The following FRMPD4 variants were observed in gnomAD, a reference collection of about 807,000 sequenced individuals.
FRMPD4 encodes FERM and PDZ domain-containing protein 4.
Under a neutral mutation model 94.1 loss-of-function variants are expected in FRMPD4, and 22 were observed. That is an observed-to-expected ratio of 0.23 (90% CI 0.17 to 0.33). The LOEUF (loss-of-function observed/expected upper bound fraction) is 0.33, where lower values mean the gene tolerates loss of function less well. FRMPD4 is among the 10% of genes least tolerant of loss of function. FRMPD4 has a pLI of 1.00. For synonymous variants in FRMPD4, 631 were observed against 548.6 expected (o/e 1.15, Z -2.10); for missense variants, 1,111 against 1,339.9 (o/e 0.83, Z 2.67).
At chrX:12,363,669 C>T (rs1332148887) in intron 1 of FRMPD4, among the ~76,000 whole-genome samples, 1 of 112,537 alleles carries the variant, frequency 8.9e-6, no homozygotes, top group Non-Finnish European at 1.9e-5. Flanking sequence ...CAGTGCCAAC[C>T]AAATACAGTT....
intron 1 of FRMPD4, among the ~76,000 whole-genome samples, chrX:12,196,636 T>C (rs1365658756): frequency 1.9e-5 from 2 of 107,922 alleles, no homozygotes; most frequent in Non-Finnish European, 3.8e-5. Context: ...AGTTTATATA[T>C]ATATAAAAAA....
intron 1 of FRMPD4, among the ~76,000 whole-genome samples, chrX:12,292,563 T>A (rs767142085): frequency 1.8e-5 from 2 of 111,005 alleles, no homozygotes; most frequent in Admixed American, 1.9e-4. Flanking sequence ...TTTAGGACAA[T>A]GATATGAGGT....
intron 3 of FRMPD4, among the ~76,000 whole-genome samples, chrX:11,960,502 T>C (rs1439669084): frequency 1.8e-5 from 2 of 112,390 alleles, no homozygotes; most frequent in African/African-American, 6.5e-5. Flanking sequence ...CTGATGCAAT[T>C]TTTTAAAGAT....
chrX:12,574,816 T>C (rs1032882424), intron 2 of FRMPD4, among the ~76,000 whole-genome samples: 1 of 112,263 alleles, frequency 8.9e-6, no homozygotes. Flanking sequence ...CCCGGGGTAT[T>C]TTAAATACAC....
At chrX:12,426,412 A>G in intron 1 of FRMPD4, among the ~76,000 whole-genome samples, 1 of 111,279 alleles carries the variant, frequency 9.0e-6, no homozygotes, top group Non-Finnish European at 1.9e-5. Flanking sequence ...CTTAGAGATG[A>G]GTATTCGCAG....
At chrX:11,955,686 G>A (rs2054252785) in intron 3 of FRMPD4, among the ~76,000 whole-genome samples, 1 of 105,205 alleles carries the variant, frequency 9.5e-6, no homozygotes, top group East Asian at 3.0e-4. Flanking sequence ...AGCTTGCAGT[G>A]AGCCGAGATT....
At chrX:11,995,994 T>C (rs1308056806) in intron 3 of FRMPD4, among the ~76,000 whole-genome samples, 2 of 111,907 alleles carry the variant, frequency 1.8e-5, no homozygotes, top group African/African-American at 3.2e-5. Context: ...TCAGAATCTT[T>C]TGGCAATATT....
intron 3 of FRMPD4, among the ~76,000 whole-genome samples, chrX:12,095,722 G>A (rs2055194041): frequency 8.9e-6 from 1 of 112,326 alleles, no homozygotes; most frequent in Non-Finnish European, 1.9e-5. Flanking sequence ...TAGCCACACA[G>A]AAAGTCTGCC....
chrX:12,366,988 A>G (rs2056092765), intron 1 of FRMPD4, among the ~76,000 whole-genome samples: 1 of 110,709 alleles, frequency 9.0e-6, no homozygotes, highest in Non-Finnish European at 1.9e-5. Flanking sequence ...GGCAGGGAAT[A>G]TCATCAAAAA....
chrX:12,136,827 C>T (rs1352268432), upstream of FRMPD4, among the ~76,000 whole-genome samples: 2 of 108,398 alleles, frequency 1.8e-5, no homozygotes, highest in Non-Finnish European at 3.8e-5. Context: ...TTTAGCTTGA[C>T]GGACAATGGG....
chrX:12,221,081 C>G (rs2056860856), intron 1 of FRMPD4, among the ~76,000 whole-genome samples: 1 of 112,318 alleles, frequency 8.9e-6, no homozygotes, highest in South Asian at 3.7e-4. Flanking sequence ...ACTAATTTCT[C>G]CAGTTTACTT....
chrX:12,597,970 A>G (rs1425368318), intron 2 of FRMPD4, among the ~76,000 whole-genome samples: 1 of 112,438 alleles, frequency 8.9e-6, no homozygotes, highest in Non-Finnish European at 1.9e-5. Context: ...TATGTGGAAA[A>G]TATGTCTTAT....
intron 1 of FRMPD4, among the ~76,000 whole-genome samples, chrX:11,842,398 T>C (rs1379831991): frequency 2.0e-5 from 2 of 99,751 alleles, no homozygotes; most frequent in African/African-American, 7.9e-5. Context: ...TGTTCTTCCA[T>C]TTCTTTGTAT....
chrX:12,578,677 G>A (rs1022979833), intron 2 of FRMPD4, among the ~76,000 whole-genome samples: 11 of 111,554 alleles, frequency 9.9e-5, no homozygotes, highest in Admixed American at 1.9e-4. Context: ...AATTGCACTC[G>A]CTAACATTTT....
rs746601138 is a variant in FRMPD4, at chrX:12,706,923, CTTT to C, written c.1287+24_1287+26del. ...TTCAAGGCAACATTAGTGGTAATTT[CTTT>C]TTTTTTTTTTTTTTTGCTTTCTCTT... On this transcript the variant is annotated intron_variant, in intron 12 of 16. Transcript: ENST00000675598. The C allele has an allele frequency of 9.0e-3, 5,327 of 590,070 alleles. No individual in the cohort carries two copies. Among genetic ancestry groups the C allele is most frequent in the Middle Eastern group, 0.011 (25 of 2,239 alleles). 48.6% of individuals were successfully genotyped at this position (590,070 alleles called of 1,213,427 possible). A position where few individuals can be genotyped will look rare whatever the true frequency, so the allele number is the denominator to read the frequency against.
rs1031050311 is a variant in FRMPD4, at chrX:12,722,285, A to G, written c.*427A>G. On this transcript the variant is annotated 3_prime_UTR_variant, in exon 17 of 17. Coordinates refer to ENST00000675598, the MANE Select transcript of FRMPD4 (RefSeq NM_001368397.1). ...AAGAAAAGAAATCACAATGTATATA[A>G]AACAGTACTTATGTTTTAAAATTAT... is the stretch of plus-strand genomic sequence containing the variant. 8.9e-6 allele frequency: 1 copy of G among 112,258 alleles called. No individual in the cohort carries two copies. The allele number at this position is 112,258 out of a possible 1,213,427, so 9.3% of individuals were successfully genotyped here.
rs34874624 is a variant in FRMPD4, at chrX:12,294,485, C to CACACACACACACACACACACAG, written c.41+155474_41+155475insCACACACACACACACACACAGA. 4.0e-3 allele frequency among the ~76,000 whole-genome samples: 366 copies of CACACACACACACACACACACAG among 92,078 alleles called. 6 individuals carry two copies. Among genetic ancestry groups the CACACACACACACACACACACAG allele is most frequent in the African/African-American group, 0.013 (325 of 25,068 alleles). The allele number at this position is 92,078 out of a possible 115,157, so 80.0% of individuals were successfully genotyped here. A position where few individuals can be genotyped will look rare whatever the true frequency, so the allele number is the denominator to read the frequency against. On this transcript the variant is annotated intron_variant, in intron 1 of 16. Transcript: ENST00000675598. ...ATAACTGTACACACACACACACACACAGAGAGAGAGAGAGAGAGAGTTTTA... is the reference window on the plus strand; with the variant it reads ...ATAACTGTACACACACACACACACACACACACACACACACACACACAGAGAGAGAGAGAGAGAGAGAGTTTTA...
At chrX:12,054,152 T>C (rs2054840595) in intron 3 of FRMPD4, among the ~76,000 whole-genome samples, 1 of 110,621 alleles carries the variant, frequency 9.0e-6, no homozygotes, top group Admixed American at 9.6e-5. Flanking sequence ...AGGAGATGAG[T>C]GGTGTTTGGG....
At chrX:12,160,105 C>CTG (rs947707105) in intron 1 of FRMPD4, among the ~76,000 whole-genome samples, 5 of 92,755 alleles carry the variant, frequency 5.4e-5, no homozygotes, top group Non-Finnish European at 1.0e-4. Context: ...GTGTATGTGC[C>CTG]TGTGTGTGCG....
Sources: gnomAD v4.1 joint callset for allele counts (sites outside exome capture counted in the v4.1 genomes callset) on GRCh38, gnomAD v4.1.1 for gene constraint, MANE v1.5 for transcripts, NCBI Gene and HGNC (gene_info 2026-07-23, HGNC 2026-07-21) for gene names.